The following PLCG2 variants were observed in gnomAD, a reference collection of about 807,000 sequenced individuals.
The protein encoded by PLCG2 is phospholipase C gamma 2.
A neutral mutation model predicts 175.6 loss-of-function variants in PLCG2; 69 were observed. That is an observed-to-expected ratio of 0.39 (90% CI 0.32 to 0.48). The LOEUF is 0.48. Among genes scored for constraint, PLCG2 ranks in the 20% least tolerant of loss-of-function variants. The pLI is 0.91. For synonymous variants in PLCG2, 827 were observed against 624.0 expected (o/e 1.33, Z -4.85); for missense variants, 1,798 against 1,650.9 (o/e 1.09, Z -1.54).
intron 2 of PLCG2, among the ~76,000 whole-genome samples, chr16:81,832,431 C>T (rs141020929): frequency 3.3e-5 from 5 of 152,322 alleles, no homozygotes; most frequent in South Asian, 2.1e-4. Flanking sequence ...ACTCTATCAC[C>T]CAGGTGGGAG....
chr16:81,778,886 C>G (rs1228195160), upstream of PLCG2, among the ~76,000 whole-genome samples: 1 of 152,222 alleles, frequency 6.6e-6, no homozygotes, highest in African/African-American at 2.4e-5. Context: ...GTCTCGAACT[C>G]TCGAGCTCAG....
At chr16:81,794,761 C>T (rs1378023677) in intron 2 of PLCG2, among the ~76,000 whole-genome samples, 4 of 152,186 alleles carry the variant, frequency 2.6e-5, no homozygotes, top group Non-Finnish European at 5.9e-5. Flanking sequence ...TCATCATTAT[C>T]ATCATCCAGC....
At chr16:81,835,109 C>T (rs1407784095) in intron 2 of PLCG2, among the ~76,000 whole-genome samples, 2 of 152,084 alleles carry the variant, frequency 1.3e-5, no homozygotes, top group Admixed American at 6.5e-5. Flanking sequence ...GGTGTCAGCT[C>T]TGTTATTGAT....
At chr16:81,781,590 T>C (rs1910734589) in intron 1 of PLCG2, among the ~76,000 whole-genome samples, 1 of 152,140 alleles carries the variant, frequency 6.6e-6, no homozygotes, top group African/African-American at 2.4e-5. Flanking sequence ...GGGGTGGAAT[T>C]TACACTCTCA....
At chr16:81,837,683 TG>T (rs1223868652) in intron 2 of PLCG2, among the ~76,000 whole-genome samples, 8 of 147,684 alleles carry the variant, frequency 5.4e-5, no homozygotes, top group African/African-American at 1.8e-4. Flanking sequence ...TACCAACATG[TG>T]TTTTTTTTTT....
chr16:81,756,250 G>A (rs1211111848), intron 2 of PLCG2, among the ~76,000 whole-genome samples: 3 of 152,256 alleles, frequency 2.0e-5, no homozygotes, highest in Non-Finnish European at 2.9e-5. Context: ...AGTGGCCACT[G>A]CCCCCTACCG....
chr16:81,771,065 A>AAT lies in PLCG2; in HGVS notation c.-47-14877_-47-14876insTA, dbSNP rs1555504894. Among the ~76,000 whole-genome samples the AAT allele has an allele frequency of 1.3e-4, 8 of 59,680 alleles. No homozygotes were observed. In the South Asian group the frequency reaches 2.8e-3, roughly 21 times the overall value. The allele number at this position is 59,680 out of a possible 152,430, so 39.2% of individuals were successfully genotyped here. On this transcript the variant is annotated intron_variant, in intron 2 of 5. Transcript: ENST00000565054. ...AGAGCGAGACTCCATCTCAAAAAAA[A>AAT]AAAAAAATAAATAAATAAATAAAAG... is the stretch of plus-strand genomic sequence containing the variant.
chr16:81,817,159 A>G (rs1015488277), intron 2 of PLCG2, among the ~76,000 whole-genome samples: 3 of 152,144 alleles, frequency 2.0e-5, no homozygotes, highest in African/African-American at 7.2e-5. Context: ...AGCACAAGGG[A>G]CAGGAAGAGC....
At chr16:81,871,911 G>A (rs1317059977) in intron 7 of PLCG2, among the ~76,000 whole-genome samples, 1 of 152,166 alleles carries the variant, frequency 6.6e-6, no homozygotes, top group Non-Finnish European at 1.5e-5. Flanking sequence ...GTGACATTAT[G>A]CAGCTGATTA....
intron 2 of PLCG2, among the ~76,000 whole-genome samples, chr16:81,826,277 C>T (rs1379237411): frequency 1.3e-5 from 2 of 152,126 alleles, no homozygotes; most frequent in Non-Finnish European, 2.9e-5. Flanking sequence ...TTCCCTCTGC[C>T]ACGGCAAGGC....
At chr16:81,776,318 G>GGC, upstream of PLCG2, among the ~76,000 whole-genome samples, 1 of 151,484 alleles carries the variant, frequency 6.6e-6, no homozygotes, top group Non-Finnish European at 1.5e-5. Context: ...ACCATGTTAA[G>GGC]CAGGATGGTC....
At chr16:81,865,730 CCAGGA>C (rs1907196794) in intron 5 of PLCG2, among the ~76,000 whole-genome samples, 1 of 151,042 alleles carries the variant, frequency 6.6e-6, no homozygotes, top group Non-Finnish European at 1.5e-5. Context: ...TCCCTTGCTC[CCAGGA>C]TGAGCTCCAC....
intron 19 of PLCG2, among the ~76,000 whole-genome samples, chr16:81,916,476 A>G (rs748436698): frequency 2.6e-5 from 4 of 152,200 alleles, no homozygotes; most frequent in Non-Finnish European, 4.4e-5. Context: ...TTTAATTGAC[A>G]AATAAAAGTT....
At chr16:81,749,612 C>T (rs1225126229) in intron 1 of PLCG2, among the ~76,000 whole-genome samples, 1 of 152,164 alleles carries the variant, frequency 6.6e-6, no homozygotes, top group East Asian at 1.9e-4. Context: ...CCTTGGCCTC[C>T]CAAACTGCTG....
chr16:81,908,024 A>G lies in PLCG2; in HGVS notation c.1557+250A>G, dbSNP rs117282904. 3.5e-3 allele frequency among the ~76,000 whole-genome samples: 537 copies of G among 152,256 alleles called. 1 individual carries two copies. The highest frequency in any genetic ancestry group is 5.2e-3 in the Non-Finnish European group (355 of 68,012). ...CTCTAAAGTGCCTGATTGGCCTTAG[A>G]TGGAGGCCGGTGCTCTGGCTTGGTC... On this transcript the variant is annotated intron_variant, in intron 16 of 32. Transcript: ENST00000564138.
At chr16:81,789,219 C>T (rs894781323) in intron 2 of PLCG2, among the ~76,000 whole-genome samples, 28 of 152,240 alleles carry the variant, frequency 1.8e-4, no homozygotes, top group East Asian at 5.8e-4. Context: ...AGGATTTTGG[C>T]TTGAAATCTA....
chr16:81,851,969 A>G (rs1906439011), intron 2 of PLCG2: 1 of 151,818 alleles, frequency 6.6e-6, no homozygotes, highest in Non-Finnish European at 1.5e-5. Flanking sequence ...AATGGCCACG[A>G]ACCTCTCCTG....
At chr16:81,921,653 C>T in intron 21 of PLCG2, 1 of 302,648 alleles carries the variant, frequency 3.3e-6, no homozygotes, top group South Asian at 3.0e-5. Flanking sequence ...CCCACCCTGA[C>T]TCTGTTGTGT....
rs1910781322 is a variant in PLCG2 at position 81,937,892 on chromosome 16, C to G, written c.3187C>G (p.Leu1063Val). The G allele has an allele frequency of 3.7e-6, 6 of 1,614,096 alleles. No individual in the cohort carries two copies. Among genetic ancestry groups the G allele is most frequent in the East Asian group, 2.2e-5 (1 of 44,884 alleles). ...GTCCCAGAGGAAGATCCTGATGACG[C>G]TGACAGTCAAGGTAAAGCCAGCCCT... The part of the protein sequence containing the change: ...PESQRKILMT[L>V]TVKVLGARHL... The change falls in exon 28 of 33, where the codon CTG becomes GTG. Residue 1063 changes from leucine to valine, a missense_variant. Coordinates refer to ENST00000564138, the MANE Select transcript of PLCG2 (RefSeq NM_002661.5).
Sources: gnomAD v4.1 joint callset for allele counts (sites outside exome capture counted in the v4.1 genomes callset) on GRCh38, gnomAD v4.1.1 for gene constraint, MANE v1.5 for transcripts, NCBI Gene and HGNC (gene_info 2026-07-23, HGNC 2026-07-21) for gene names.